The following PLXDC2 variants were observed in gnomAD, a reference collection of about 807,000 sequenced individuals.
PLXDC2 encodes plexin domain containing 2, also known as plexin domain-containing protein 2.
PLXDC2 carries 40 observed loss-of-function variants against 68.9 expected under a neutral mutation model. That is an observed-to-expected ratio of 0.58 (90% CI 0.45 to 0.76). The LOEUF (loss-of-function observed/expected upper bound fraction) is 0.76, where lower values mean the gene tolerates loss of function less well. Ranked by LOEUF, PLXDC2 falls within the 30% of genes least tolerant of loss-of-function variation. The pLI is 0.00. For missense variants in PLXDC2, 644 were observed against 661.9 expected (o/e 0.97, Z 0.30); for synonymous variants, 243 against 234.2 (o/e 1.04, Z -0.34).
At chr10:20,030,861 C>T (rs1373489411) in intron 2 of PLXDC2, among the ~76,000 whole-genome samples, 2 of 152,122 alleles carry the variant, frequency 1.3e-5, no homozygotes, top group Non-Finnish European at 2.9e-5. Context: ...TAGATTTAGG[C>T]CCAGTTACCA....
chr10:19,935,132 T>C (rs1435315133), intron 1 of PLXDC2, among the ~76,000 whole-genome samples: 1 of 152,234 alleles, frequency 6.6e-6, no homozygotes, highest in South Asian at 2.1e-4. Flanking sequence ...TTGCAACTAC[T>C]GCACACACAA....
intron 4 of PLXDC2, among the ~76,000 whole-genome samples, chr10:20,076,709 T>C (rs1007647290): frequency 4.5e-4 from 69 of 152,328 alleles, no homozygotes; most frequent in African/African-American, 1.6e-3. Flanking sequence ...TTTAGGAACC[T>C]AATCCATTGT....
chr10:20,222,380 G>A (rs1022978199), intron 12 of PLXDC2, among the ~76,000 whole-genome samples: 4 of 152,190 alleles, frequency 2.6e-5, no homozygotes, highest in African/African-American at 9.7e-5. Flanking sequence ...TCACACAACA[G>A]GGTTTCTCAT....
chr10:20,201,146 A>G, intron 9 of PLXDC2, among the ~76,000 whole-genome samples: 1 of 151,910 alleles, frequency 6.6e-6, no homozygotes, highest in Non-Finnish European at 1.5e-5. Context: ...ACAACAGATC[A>G]ATGGATGAAG....
At chr10:20,243,388 T>C (rs1835543506) in intron 12 of PLXDC2, among the ~76,000 whole-genome samples, 1 of 152,236 alleles carries the variant, frequency 6.6e-6, no homozygotes, top group Non-Finnish European at 1.5e-5. Context: ...TATTATATAA[T>C]GAATTACTCT....
At chr10:19,820,139 G>T (rs899917153) in intron 1 of PLXDC2, among the ~76,000 whole-genome samples, 4 of 152,134 alleles carry the variant, frequency 2.6e-5, no homozygotes, top group African/African-American at 9.7e-5. Context: ...GGTAATTTTT[G>T]TTGTTGTTGT....
intron 9 of PLXDC2, among the ~76,000 whole-genome samples, chr10:20,203,828 T>G (rs1229690176): frequency 1.3e-5 from 2 of 152,176 alleles, no homozygotes; most frequent in Admixed American, 6.5e-5. Flanking sequence ...ATCCCAGTTT[T>G]CCATCTGAAA....
At chr10:19,910,060 C>A (rs1321249521) in intron 1 of PLXDC2, among the ~76,000 whole-genome samples, 1 of 151,834 alleles carries the variant, frequency 6.6e-6, no homozygotes, top group African/African-American at 2.4e-5. Flanking sequence ...CCTGAGTGGT[C>A]CAGGGTGATG....
At chr10:20,111,452 A>T (rs1269900897) in intron 4 of PLXDC2, among the ~76,000 whole-genome samples, 1 of 152,200 alleles carries the variant, frequency 6.6e-6, no homozygotes, top group Admixed American at 6.5e-5. Flanking sequence ...TTATCTTGTG[A>T]TTCAGAAAAA....
intron 2 of PLXDC2, among the ~76,000 whole-genome samples, chr10:20,033,187 A>C (rs1230142861): frequency 6.6e-6 from 1 of 151,700 alleles, no homozygotes; most frequent in African/African-American, 2.4e-5. Context: ...TATAATAAAA[A>C]ATATATAAAA....
At position 19,817,067 on chromosome 10, in the gene PLXDC2, T is replaced by G. The variant is rs749294386; in HGVS notation, c.-13T>G. 108 of 1,525,530 alleles carry G rather than the reference T, an allele frequency of 7.1e-5. No individual in the cohort carries two copies. The Middle Eastern group carries it at 5.7e-3, about 81-fold the overall frequency. The allele number at this position is 1,525,530 out of a possible 1,614,324, so 94.5% of individuals were successfully genotyped here. A position where few individuals can be genotyped will look rare whatever the true frequency, so the allele number is the denominator to read the frequency against. On this transcript the variant is annotated 5_prime_UTR_variant, in exon 1 of 14. Coordinates refer to ENST00000377252, the MANE Select transcript of PLXDC2 (RefSeq NM_032812.9). ...AGGACTGGCGGGTGGGGTAGGGAGG[T>G]GGCGGCGGCGGCATGGCGAGGTTCC...
At chr10:20,074,657 G>A (rs1219266247) in intron 4 of PLXDC2, among the ~76,000 whole-genome samples, 2 of 151,924 alleles carry the variant, frequency 1.3e-5, no homozygotes, top group Admixed American at 1.3e-4. Flanking sequence ...TTTAATTGTA[G>A]TCCCAAATAA....
At chr10:20,254,599 G>T (rs567617893) in intron 13 of PLXDC2, among the ~76,000 whole-genome samples, 1 of 151,982 alleles carries the variant, frequency 6.6e-6, no homozygotes, top group Non-Finnish European at 1.5e-5. Flanking sequence ...TTTCTTAGCC[G>T]AAGAAAAAGA....
chr10:20,032,850 G>A (rs59190606), intron 2 of PLXDC2, among the ~76,000 whole-genome samples: 1 of 151,622 alleles, frequency 6.6e-6, no homozygotes, highest in Non-Finnish European at 1.5e-5. Flanking sequence ...CAGAGGACTT[G>A]GGAATATCAT....
At chr10:20,203,427 C>T (rs1463453640) in intron 9 of PLXDC2, among the ~76,000 whole-genome samples, 1 of 151,806 alleles carries the variant, frequency 6.6e-6, no homozygotes, top group Non-Finnish European at 1.5e-5. Context: ...ACTTCAGCCT[C>T]CCAAGTAGCT....
At chr10:20,047,548 C>A (rs961812301) in intron 3 of PLXDC2, among the ~76,000 whole-genome samples, 2 of 151,966 alleles carry the variant, frequency 1.3e-5, no homozygotes, top group East Asian at 1.9e-4. Flanking sequence ...ATATTTTAAA[C>A]CTGGACTCAT....
chr10:19,829,015 C>T (rs11011637), intron 1 of PLXDC2, among the ~76,000 whole-genome samples: 10,741 of 152,132 alleles, frequency 0.071, 503 homozygotes, highest in African/African-American at 0.12. Context: ...CCGTTGCTCT[C>T]ATGCTGAAGG....
At chr10:20,008,416 T>C (rs951087906) in intron 2 of PLXDC2, among the ~76,000 whole-genome samples, 2 of 151,968 alleles carry the variant, frequency 1.3e-5, no homozygotes, top group Non-Finnish European at 2.9e-5. Flanking sequence ...TAGCCAGGCA[T>C]GGTGGTGCGT....
At chr10:20,165,087 T>TGCTA (rs1400541266) in intron 7 of PLXDC2, among the ~76,000 whole-genome samples, 1 of 152,090 alleles carries the variant, frequency 6.6e-6, no homozygotes, top group African/African-American at 2.4e-5. Context: ...CCTCCCAAAG[T>TGCTA]GCTAGGATTA....
Sources: gnomAD v4.1 joint callset for allele counts (sites outside exome capture counted in the v4.1 genomes callset) on GRCh38, gnomAD v4.1.1 for gene constraint, MANE v1.5 for transcripts, NCBI Gene and HGNC (gene_info 2026-07-23, HGNC 2026-07-21) for gene names.